ASIC2: variants seen among roughly 807,000 people sequenced by gnomAD.
ASIC2 encodes acid-sensing ion channel 2.
ASIC2 carries 25 observed loss-of-function variants against 57.3 expected under a neutral mutation model. The ratio of observed to expected loss-of-function variants is 0.44; its 90% confidence interval spans 0.32 to 0.61. ASIC2 has a LOEUF of 0.61. Ranked by LOEUF, ASIC2 falls within the 20% of genes least tolerant of loss-of-function variation. The pLI, the probability that ASIC2 is intolerant of heterozygous loss-of-function variation, is 0.06. For missense variants in ASIC2, 641 were observed against 738.1 expected (o/e 0.87, Z 1.52); for synonymous variants, 319 against 307.5 (o/e 1.04, Z -0.39).
At chr17:33,016,161 G>C in intron 8 of ASIC2, 122 bp from the exon 9 acceptor site, 1 of 835,502 alleles carries the variant, frequency 1.2e-6, no homozygotes, top group South Asian at 1.6e-5. Flanking sequence ...ACATACCGTA[G>C]CACAAGCCCA....
chr17:33,348,799 A>AGG (rs972389428), intron 1 of ASIC2, among the ~76,000 whole-genome samples: 1 of 152,012 alleles, frequency 6.6e-6, no homozygotes, highest in Non-Finnish European at 1.5e-5. Flanking sequence ...TGGTGGTCAA[A>AGG]GGGGTGGGGT....
intron 1 of ASIC2, among the ~76,000 whole-genome samples, chr17:33,450,429 A>G (rs1054834366): frequency 3.2e-4 from 48 of 151,890 alleles, no homozygotes; most frequent in African/African-American, 1.1e-3. Context: ...CTTTTCACTG[A>G]TTGGTTTAGG....
At chr17:33,656,186 A>C (rs1167970041) in intron 1 of ASIC2, among the ~76,000 whole-genome samples, 1 of 152,146 alleles carries the variant, frequency 6.6e-6, no homozygotes, top group Non-Finnish European at 1.5e-5. Flanking sequence ...AAAAAAACAA[A>C]CAAACCAGAA....
At position 33,263,816 on chromosome 17, in the gene ASIC2, G is replaced by A. The variant is rs142765752; in HGVS notation, c.708+27592C>T. Among the ~76,000 whole-genome samples the A allele has an allele frequency of 9.2e-3, 1,408 of 152,344 alleles. 27 individuals are homozygous for A. The highest frequency in any genetic ancestry group is 0.032 in the African/African-American group (1,342 of 41,574). Reference sequence around the variant, plus strand: ...CTTACAAGAAGAATTCCTAAAGCATGGTGCCCGGTTCCTCTCCATGCTCCC... The same window carrying A: ...CTTACAAGAAGAATTCCTAAAGCATAGTGCCCGGTTCCTCTCCATGCTCCC... On this transcript the variant is annotated intron_variant, in intron 1 of 9. Transcript: ENST00000225823.
chr17:33,843,932 C>A (rs1055556708), intron 1 of ASIC2, among the ~76,000 whole-genome samples: 1 of 152,208 alleles, frequency 6.6e-6, no homozygotes, highest in Admixed American at 6.5e-5. Flanking sequence ...GAGTCAAGCA[C>A]CTTCTCCTTG....
chr17:33,653,037 A>G (rs1331918857), intron 1 of ASIC2, among the ~76,000 whole-genome samples: 2 of 152,224 alleles, frequency 1.3e-5, no homozygotes, highest in African/African-American at 4.8e-5. Flanking sequence ...CCTTAGCTAC[A>G]TGTTCTAAAA....
chr17:33,202,920 T>C (rs1275223897), intron 1 of ASIC2, among the ~76,000 whole-genome samples: 1 of 152,156 alleles, frequency 6.6e-6, no homozygotes, highest in Non-Finnish European at 1.5e-5. Context: ...CCCTGCTCCA[T>C]GGACACATAG....
chr17:34,107,206 A>G (rs1388828598), intron 1 of ASIC2, among the ~76,000 whole-genome samples: 1 of 152,168 alleles, frequency 6.6e-6, no homozygotes, highest in African/African-American at 2.4e-5. Flanking sequence ...TATCATTTAC[A>G]CATCTACTCT....
At chr17:33,688,907 C>G (rs540189565) in intron 1 of ASIC2, 3 of 152,332 alleles carry the variant, frequency 2.0e-5, no homozygotes, top group South Asian at 4.1e-4. Flanking sequence ...AATGACTGAC[C>G]TAATGGAGTT....
At chr17:34,110,766 G>A (rs1342935155) in intron 1 of ASIC2, among the ~76,000 whole-genome samples, 1 of 152,172 alleles carries the variant, frequency 6.6e-6, no homozygotes, top group East Asian at 1.9e-4. Context: ...GGGTTCAAGG[G>A]GATTTGATTA....
At chr17:33,324,866 C>T (rs1007883868) in intron 1 of ASIC2, among the ~76,000 whole-genome samples, 5 of 152,222 alleles carry the variant, frequency 3.3e-5, no homozygotes, top group Non-Finnish European at 7.3e-5. Context: ...CCTTCTCACT[C>T]CATTCACCAG....
At chr17:33,041,284 C>A (rs950804737) in intron 3 of ASIC2, among the ~76,000 whole-genome samples, 5 of 152,194 alleles carry the variant, frequency 3.3e-5, no homozygotes, top group African/African-American at 1.2e-4. Context: ...GACATGGATG[C>A]ACCTTGCACA....
chr17:33,088,334 C>T (rs893482944), intron 3 of ASIC2, among the ~76,000 whole-genome samples: 7 of 152,328 alleles, frequency 4.6e-5, no homozygotes, highest in Admixed American at 6.5e-5. Context: ...CACCCACAGA[C>T]AGAATTGATG....
intron 1 of ASIC2, among the ~76,000 whole-genome samples, chr17:33,789,633 T>C (rs1334894322): frequency 3.3e-5 from 5 of 151,990 alleles, no homozygotes; most frequent in African/African-American, 4.8e-5. Context: ...GCAATCAGTA[T>C]TGTCTTTTTC....
chr17:33,034,359 T>C (rs2091899811), intron 3 of ASIC2, among the ~76,000 whole-genome samples: 1 of 151,566 alleles, frequency 6.6e-6, no homozygotes, highest in South Asian at 2.1e-4. Context: ...TAGTCAGGAG[T>C]GGTAGTGCAC....
At chr17:33,625,502 G>A (rs1905956222) in intron 1 of ASIC2, among the ~76,000 whole-genome samples, 1 of 152,126 alleles carries the variant, frequency 6.6e-6, no homozygotes, top group African/African-American at 2.4e-5. Context: ...ACCCACCTAA[G>A]CAGCTCCCAT....
intron 1 of ASIC2, among the ~76,000 whole-genome samples, chr17:33,443,948 C>G (rs940909107): frequency 3.3e-5 from 5 of 152,134 alleles, no homozygotes; most frequent in Non-Finnish European, 5.9e-5. Context: ...CATTCCTACC[C>G]AGCACTTGCG....
At chr17:33,634,950 T>C (rs893475906) in intron 1 of ASIC2, 22 of 152,170 alleles carry the variant, frequency 1.4e-4, no homozygotes, top group African/African-American at 5.3e-4. Flanking sequence ...AGAATATACT[T>C]TGGCAAATAG....
chr17:33,463,387 C>T (rs1186990736), intron 1 of ASIC2, among the ~76,000 whole-genome samples: 1 of 152,180 alleles, frequency 6.6e-6, no homozygotes, highest in Admixed American at 6.5e-5. Flanking sequence ...CTTCTTCTTC[C>T]TCTTTGTCAC....
Sources: gnomAD v4.1 joint callset for allele counts (sites outside exome capture counted in the v4.1 genomes callset) on GRCh38, gnomAD v4.1.1 for gene constraint, MANE v1.5 for transcripts, NCBI Gene and HGNC (gene_info 2026-07-23, HGNC 2026-07-21) for gene names.